BRAF: variants seen among roughly 807,000 people sequenced by gnomAD.
BRAF encodes serine/threonine-protein kinase B-raf.
In BRAF, 16 loss-of-function variants were observed where a neutral mutation model predicts 104.6. That is an observed-to-expected ratio of 0.15 (90% CI 0.10 to 0.23). The LOEUF (loss-of-function observed/expected upper bound fraction) is 0.23, where lower values mean the gene tolerates loss of function less well. BRAF is among the 10% of genes least tolerant of loss of function. The pLI, the probability that BRAF is intolerant of heterozygous loss-of-function variation, is 1.00. For missense variants in BRAF, 541 were observed against 937.3 expected (o/e 0.58, Z 5.52); for synonymous variants, 310 against 341.6 (o/e 0.91, Z 1.02).
intron 1 of BRAF, among the ~76,000 whole-genome samples, chr7:140,898,659 A>T (rs1454787950): frequency 6.6e-6 from 1 of 152,196 alleles, no homozygotes; most frequent in African/African-American, 2.4e-5. Flanking sequence ...TAGCATTGCC[A>T]ATTATCTTAA....
intron 5 of BRAF, among the ~76,000 whole-genome samples, chr7:140,806,543 T>C (rs977645902): frequency 2.0e-5 from 3 of 152,182 alleles, no homozygotes; most frequent in Non-Finnish European, 2.9e-5. Context: ...TGAGGCATCA[T>C]TTTAATACTA....
chr7:140,772,484 T>TTC (rs1303621419), intron 14 of BRAF, among the ~76,000 whole-genome samples: 1 of 151,766 alleles, frequency 6.6e-6, no homozygotes, highest in Non-Finnish European at 1.5e-5. Flanking sequence ...ATGAGCCAGG[T>TTC]GTGATGGTGC....
chr7:140,864,183 T>C (rs1208695746), intron 1 of BRAF, among the ~76,000 whole-genome samples: 3 of 152,116 alleles, frequency 2.0e-5, no homozygotes, highest in Non-Finnish European at 2.9e-5. Context: ...CAAGAGATGA[T>C]TGCTTGGGCC....
chr7:140,849,668 T>C (rs1330479023), intron 2 of BRAF, among the ~76,000 whole-genome samples: 1 of 151,686 alleles, frequency 6.6e-6, no homozygotes, highest in Non-Finnish European at 1.5e-5. Flanking sequence ...AAAAATTAGG[T>C]GGACGTGGTA....
intron 7 of BRAF, among the ~76,000 whole-genome samples, chr7:140,798,775 G>A (rs1802774829): frequency 6.6e-6 from 1 of 151,742 alleles, no homozygotes; most frequent in African/African-American, 2.4e-5. Flanking sequence ...AAAGTAAACT[G>A]ATACCCACTT....
intron 3 of BRAF, chr7:140,833,862 A>G (rs1807045666): frequency 6.6e-6 from 1 of 152,222 alleles, no homozygotes; most frequent in Non-Finnish European, 1.5e-5. Context: ...TGCCTCTATA[A>G]TAACATTTTT....
intron 8 of BRAF, 57 bp downstream of exon 8, chr7:140,794,251 G>A (rs1432462395): frequency 5.7e-6 from 9 of 1,588,022 alleles, no homozygotes; most frequent in Non-Finnish European, 6.9e-6. Context: ...AATTATAGCA[G>A]AAAAATAAAG....
At chr7:140,879,218 T>C (rs1185578961) in intron 1 of BRAF, among the ~76,000 whole-genome samples, 1 of 151,868 alleles carries the variant, frequency 6.6e-6, no homozygotes, top group Admixed American at 6.6e-5. Flanking sequence ...GGTTTTGCTC[T>C]GTTGCCAGGC....
intron 1 of BRAF, among the ~76,000 whole-genome samples, chr7:140,878,180 C>T (rs944997150): frequency 1.3e-5 from 2 of 151,750 alleles, no homozygotes; most frequent in Admixed American, 6.6e-5. Context: ...AACACACATA[C>T]CAAAACTGAT....
At chr7:140,890,928 T>G (rs1814149216) in intron 1 of BRAF, among the ~76,000 whole-genome samples, 1 of 152,202 alleles carries the variant, frequency 6.6e-6, no homozygotes, top group Non-Finnish European at 1.5e-5. Context: ...CATACCACAA[T>G]TCTGATTTAA....
intron 14 of BRAF, among the ~76,000 whole-genome samples, chr7:140,756,836 C>T (rs949216980): frequency 3.3e-5 from 5 of 152,178 alleles, no homozygotes; most frequent in Admixed American, 1.3e-4. Context: ...AAAGTGTCCA[C>T]CTATAGAACC....
rs1345028975 is a variant in BRAF at position 140,782,803 on chromosome 7, TC to T, written c.1434+217del. 2.0e-5 allele frequency among the ~76,000 whole-genome samples: 3 copies of T among 152,208 alleles called. No homozygotes were observed. In the East Asian group the frequency reaches 5.8e-4, roughly 29 times the overall value. On this transcript the variant is annotated intron_variant, in intron 11 of 19. Coordinates refer to ENST00000644969, the MANE Select transcript of BRAF (RefSeq NM_001374258.1). ...CTTTAGAACAGAATACTGTTACTCTTCCAAAACTGCCTTTTACTAAATTATA... is the reference window on the plus strand; with the variant it reads ...CTTTAGAACAGAATACTGTTACTCTTCAAAACTGCCTTTTACTAAATTATA...
chr7:140,922,881 G>T (rs1262594760), intron 1 of BRAF, among the ~76,000 whole-genome samples: 1 of 152,168 alleles, frequency 6.6e-6, no homozygotes, highest in Non-Finnish European at 1.5e-5. Flanking sequence ...AAAATGAATG[G>T]TAACTGGAAA....
intron 3 of BRAF, among the ~76,000 whole-genome samples, chr7:140,817,550 A>G (rs912339087): frequency 6.6e-6 from 1 of 152,248 alleles, no homozygotes; most frequent in African/African-American, 2.4e-5. Flanking sequence ...ATTATACTAC[A>G]AAGCTATAGT....
chr7:140,892,681 C>T (rs1464905149), intron 1 of BRAF, among the ~76,000 whole-genome samples: 1 of 152,128 alleles, frequency 6.6e-6, no homozygotes, highest in African/African-American at 2.4e-5. Flanking sequence ...TAGGAAAGGG[C>T]AAGATCACAG....
chr7:140,720,421 G>A lies in BRAF; in HGVS notation c.*6073C>T. On this transcript the variant is annotated 3_prime_UTR_variant, in exon 20 of 20. Coordinates refer to ENST00000644969, the MANE Select transcript of BRAF (RefSeq NM_001374258.1). ...ACTAACATAACATGAAGATAAATAA[G>A]ACATAAAGGCTAGCCACTTACGTTG... 1 of 1,062,350 alleles carries A rather than the reference G, an allele frequency of 9.4e-7. No homozygotes were observed. The highest frequency in any genetic ancestry group is 1.1e-6 in the Non-Finnish European group (1 of 877,546). The allele number at this position is 1,062,350 out of a possible 1,614,324, so 65.8% of individuals were successfully genotyped here. A position where few individuals can be genotyped will look rare whatever the true frequency, so the allele number is the denominator to read the frequency against.
intron 15 of BRAF, chr7:140,753,638 G>A (rs1390049354): frequency 2.6e-6 from 1 of 387,024 alleles, no homozygotes; most frequent in Non-Finnish European, 4.8e-6. Context: ...GAGGTGAGAT[G>A]CTTTCCTAAG....
chr7:140,784,334 C>T (rs1027096350), intron 10 of BRAF, among the ~76,000 whole-genome samples: 4 of 152,214 alleles, frequency 2.6e-5, no homozygotes, highest in African/African-American at 9.6e-5. Flanking sequence ...TCCACAATGT[C>T]TATTAAGTAG....
At chr7:140,860,486 A>G (rs1400209567) in intron 1 of BRAF, among the ~76,000 whole-genome samples, 8 of 151,586 alleles carry the variant, frequency 5.3e-5, no homozygotes, top group African/African-American at 1.5e-4. Context: ...AAAAAAGAAA[A>G]AAAAGAAAAT....
Sources: allele counts gnomAD v4.1 joint callset (sites outside exome capture counted in the v4.1 genomes callset), GRCh38; gene constraint gnomAD v4.1.1; transcripts MANE v1.5; gene names NCBI Gene and HGNC (gene_info 2026-07-23, HGNC 2026-07-21).